GTF2H1: variants seen among roughly 807,000 people sequenced by gnomAD.
GTF2H1 encodes the protein general transcription factor IIH subunit 1.
Under a neutral mutation model 71.2 loss-of-function variants are expected in GTF2H1, and 16 were observed. The observed-to-expected ratio is 0.22, with a 90% confidence interval of 0.15 to 0.34. GTF2H1 has a LOEUF of 0.34. Among genes scored for constraint, GTF2H1 ranks in the 10% least tolerant of loss-of-function variants. The pLI, the probability that GTF2H1 is intolerant of heterozygous loss-of-function variation, is 1.00. For synonymous variants in GTF2H1, 215 were observed against 219.0 expected (o/e 0.98, Z 0.16); for missense variants, 498 against 648.2 (o/e 0.77, Z 2.52).
At chr11:18,348,139 TTTTGTTTG>T (rs4150640) in intron 9 of GTF2H1, 14 of 582,146 alleles carry the variant, frequency 2.4e-5, no homozygotes, top group Admixed American at 1.7e-4. Context: ...TTTTATTGTT[TTTTGTTTG>T]TTTGTTTGTT....
intron 14 of GTF2H1, among the ~76,000 whole-genome samples, chr11:18,363,459 C>G (rs1865752418): frequency 6.6e-6 from 1 of 151,970 alleles, no homozygotes; most frequent in Admixed American, 6.6e-5. Flanking sequence ...TTTCTCAGCT[C>G]TATTATAATC....
chr11:18,359,255 T>C (rs1298439476), intron 13 of GTF2H1, among the ~76,000 whole-genome samples: 1 of 152,108 alleles, frequency 6.6e-6, no homozygotes, highest in East Asian at 1.9e-4. Context: ...AAAAGAACAT[T>C]TTGGCCAAGC....
intron 14 of GTF2H1, 50 bp downstream of exon 14, chr11:18,360,757 A>G (rs1865676604): frequency 1.0e-6 from 1 of 959,100 alleles, no homozygotes; most frequent in Non-Finnish European, 1.6e-6. Context: ...TTTGTAGTAA[A>G]ATGATGAAAT....
intron 14 of GTF2H1, among the ~76,000 whole-genome samples, chr11:18,365,491 A>C (rs2133996561): frequency 6.6e-6 from 1 of 152,340 alleles, no homozygotes; most frequent in East Asian, 1.9e-4. Context: ...GTTTGACAGA[A>C]GGAATTGAGG....
At chr11:18,333,524 T>C (rs1045395525) in intron 2 of GTF2H1, 4 of 197,094 alleles carry the variant, frequency 2.0e-5, no homozygotes, top group African/African-American at 7.0e-5. Flanking sequence ...ACCAGCCCTC[T>C]GTGGTTGGAC....
intron 3 of GTF2H1, among the ~76,000 whole-genome samples, chr11:18,336,534 C>T (rs568939684): frequency 1.3e-5 from 2 of 152,262 alleles, no homozygotes; most frequent in South Asian, 4.1e-4. Flanking sequence ...GCTTGTTTGA[C>T]TTTGGGAAAC....
intron 1 of GTF2H1, among the ~76,000 whole-genome samples, chr11:18,329,305 A>G (rs989033543): frequency 1.3e-5 from 2 of 152,206 alleles, no homozygotes; most frequent in African/African-American, 4.8e-5. Context: ...CACATTCATC[A>G]TGTCCGGAAC....
At chr11:18,338,338 C>A in intron 4 of GTF2H1, 64 bp downstream of exon 4, 1 of 1,004,298 alleles carries the variant, frequency 1.0e-6, no homozygotes, top group Non-Finnish European at 1.5e-6. Context: ...TGTCTTAAGA[C>A]CATTATTCCT....
intron 7 of GTF2H1, among the ~76,000 whole-genome samples, chr11:18,344,222 C>G (rs1360285353): frequency 1.3e-5 from 2 of 152,170 alleles, no homozygotes; most frequent in Non-Finnish European, 2.9e-5. Context: ...TACACCCTTT[C>G]ATGTTTACGG....
chr11:18,343,219 G>T (rs756796111), intron 7 of GTF2H1, among the ~76,000 whole-genome samples: 5 of 152,188 alleles, frequency 3.3e-5, no homozygotes, highest in Admixed American at 6.5e-5. Flanking sequence ...ACTGTGCCCG[G>T]CCCAAGCCCA....
intron 7 of GTF2H1, chr11:18,342,063 T>C (rs1865169299): frequency 6.5e-6 from 1 of 154,536 alleles, no homozygotes. Context: ...ATGTATGACC[T>C]ACCTACCTCA....
At chr11:18,354,895 A>G (rs1300432564) in intron 11 of GTF2H1, among the ~76,000 whole-genome samples, 2 of 150,396 alleles carry the variant, frequency 1.3e-5, no homozygotes, top group East Asian at 4.0e-4. Flanking sequence ...TGCAACCTCC[A>G]CCTCCCTGGC....
chr11:18,349,999 G>T (rs973015674), intron 9 of GTF2H1, among the ~76,000 whole-genome samples: 11 of 152,166 alleles, frequency 7.2e-5, no homozygotes, highest in Non-Finnish European at 1.3e-4. Flanking sequence ...CTCAAAATAT[G>T]GTTTCTCTAC....
chr11:18,337,022 A>C (rs908643692), intron 3 of GTF2H1, among the ~76,000 whole-genome samples: 8 of 152,186 alleles, frequency 5.3e-5, no homozygotes, highest in Non-Finnish European at 8.8e-5. Context: ...AAGTGCTGGG[A>C]TAACAGGTGT....
intron 11 of GTF2H1, among the ~76,000 whole-genome samples, chr11:18,356,288 G>C (rs1269343618): frequency 6.7e-6 from 1 of 150,218 alleles, no homozygotes; most frequent in Non-Finnish European, 1.5e-5. Context: ...TGAGGCAGAA[G>C]AATTGCTTGA....
chr11:18,333,715 C>A (rs1864955763), intron 2 of GTF2H1: 1 of 152,562 alleles, frequency 6.6e-6, no homozygotes, highest in African/African-American at 2.4e-5. Flanking sequence ...AAACTCCTGG[C>A]CTCAAGCAAC....
In GTF2H1 at chr11:18,353,514, C is replaced by T. The variant is rs535436258; in HGVS notation, c.1260+1068C>T. Among the ~76,000 whole-genome samples, 3 of 152,316 alleles carry T rather than the reference C, an allele frequency of 2.0e-5. No individual in the cohort carries two copies. The East Asian group carries it at 5.8e-4, about 29-fold the overall frequency. ...TGCTTCCTGTGCTTCGGCTTATGCT[C>T]TTTCTCTTTAGAATTCCCTTAGCCC... On this transcript the variant is annotated intron_variant, in intron 11 of 14. Transcript: ENST00000265963.
At chr11:18,361,078 C>T (rs1378623607) in intron 14 of GTF2H1, among the ~76,000 whole-genome samples, 1 of 152,102 alleles carries the variant, frequency 6.6e-6, no homozygotes, top group East Asian at 1.9e-4. Context: ...GCTAGGATTA[C>T]AGGCATGAGC....
chr11:18,325,952 T>C (rs1402784425), intron 1 of GTF2H1: 1 of 152,216 alleles, frequency 6.6e-6, no homozygotes, highest in Admixed American at 6.5e-5. Flanking sequence ...TATAGAGTTC[T>C]CCTGGGAAGA....
Sources: allele counts gnomAD v4.1 joint callset (sites outside exome capture counted in the v4.1 genomes callset), GRCh38; gene constraint gnomAD v4.1.1; transcripts MANE v1.5; gene names NCBI Gene and HGNC (gene_info 2026-07-23, HGNC 2026-07-21).